Variants in SSH2 observed in about 807,000 individuals in gnomAD.
SSH2 encodes protein phosphatase Slingshot homolog 2.
Under a neutral mutation model 135.2 loss-of-function variants are expected in SSH2, and 37 were observed. The ratio of observed to expected loss-of-function variants is 0.27; its 90% confidence interval spans 0.21 to 0.36. SSH2 has a LOEUF of 0.36. SSH2 is among the 10% of genes least tolerant of loss of function. The pLI is 1.00. For missense variants in SSH2, 1,408 were observed against 1,765.3 expected (o/e 0.80, Z 3.63); for synonymous variants, 628 against 646.2 (o/e 0.97, Z 0.43).
chr17:29,711,823 G>A (rs924313278), intron 3 of SSH2, among the ~76,000 whole-genome samples: 2 of 152,148 alleles, frequency 1.3e-5, no homozygotes, highest in African/African-American at 4.8e-5. Context: ...GGAGTGTCGA[G>A]GTATGGGACA....
intron 12 of SSH2, 126 bp downstream of exon 12, chr17:29,655,435 A>C (rs371445368): frequency 1.1e-6 from 1 of 924,990 alleles, no homozygotes; most frequent in Admixed American, 1.8e-5. Context: ...ATTACATCTG[A>C]TTAGAATCAG....
chr17:29,777,972 GA>G (rs2041747207), intron 3 of SSH2, among the ~76,000 whole-genome samples: 1 of 151,466 alleles, frequency 6.6e-6, no homozygotes, highest in Admixed American at 6.6e-5. Context: ...CCCATGAAAG[GA>G]ATTCTTCTCT....
chr17:29,806,991 T>A (rs2042358133), intron 2 of SSH2, among the ~76,000 whole-genome samples: 1 of 152,232 alleles, frequency 6.6e-6, no homozygotes, highest in Non-Finnish European at 1.5e-5. Flanking sequence ...GAAGCACTCA[T>A]AACACCTGGA....
intron 2 of SSH2, among the ~76,000 whole-genome samples, chr17:29,823,484 C>T (rs2042688836): frequency 6.6e-6 from 1 of 152,136 alleles, no homozygotes; most frequent in South Asian, 2.1e-4. Flanking sequence ...CCCTCTAATC[C>T]CTTCTCTCTG....
intron 4 of SSH2, among the ~76,000 whole-genome samples, chr17:29,700,527 A>G (rs1278392051): frequency 2.0e-5 from 3 of 152,186 alleles, no homozygotes; most frequent in Non-Finnish European, 4.4e-5. Context: ...ATTTCAAAAC[A>G]AGAGTCTTAT....
intron 5 of SSH2, among the ~76,000 whole-genome samples, chr17:29,686,099 C>T (rs1227821380): frequency 3.3e-5 from 5 of 152,050 alleles, no homozygotes; most frequent in Admixed American, 2.0e-4. Context: ...CTGCCCACCT[C>T]GGCCTCACAA....
chr17:29,891,594 A>G (rs898810779), intron 1 of SSH2, among the ~76,000 whole-genome samples: 8 of 147,596 alleles, frequency 5.4e-5, no homozygotes, highest in South Asian at 2.1e-4. Flanking sequence ...ATAGTAATAG[A>G]AAAAAAAAAA....
At chr17:29,689,132 T>C (rs2038356602) in intron 5 of SSH2, among the ~76,000 whole-genome samples, 1 of 149,792 alleles carries the variant, frequency 6.7e-6, no homozygotes, top group African/African-American at 2.5e-5. Flanking sequence ...CACTCCAGCC[T>C]GGGCGACAGG....
intron 3 of SSH2, among the ~76,000 whole-genome samples, chr17:29,751,724 G>T (rs2040952067): frequency 6.6e-6 from 1 of 152,102 alleles, no homozygotes. Context: ...CCAAAATGTT[G>T]TTATGTGGTG....
chr17:29,674,800 C>A (rs528412504), intron 8 of SSH2, among the ~76,000 whole-genome samples: 2 of 152,100 alleles, frequency 1.3e-5, no homozygotes, highest in Non-Finnish European at 2.9e-5. Context: ...GCAAAAAAAT[C>A]TCATCATATT....
chr17:29,630,668 C>T lies in SSH2; in HGVS notation c.*173G>A. ...CCATCCAGATCAATCTCTCTTTCCC[C>T]TTACATATACACACACATACACACT... is the stretch of plus-strand genomic sequence containing the variant. On this transcript the variant is annotated 3_prime_UTR_variant, in exon 16 of 16. Transcript: ENST00000540801. 1 of 483,982 alleles carries T rather than the reference C, an allele frequency of 2.1e-6. No homozygotes were observed. Among genetic ancestry groups the T allele is most frequent in the Non-Finnish European group, 3.5e-6 (1 of 283,868 alleles). The allele number at this position is 483,982 out of a possible 1,614,324, so 30.0% of individuals were successfully genotyped here.
intron 15 of SSH2, among the ~76,000 whole-genome samples, chr17:29,635,123 C>T (rs1417246859): frequency 1.3e-5 from 2 of 151,472 alleles, no homozygotes; most frequent in Non-Finnish European, 2.9e-5. Context: ...AGTCTGGTCT[C>T]GAACTCCTGA....
At chr17:29,900,198 A>T (rs1004040485) in intron 1 of SSH2, among the ~76,000 whole-genome samples, 1 of 152,204 alleles carries the variant, frequency 6.6e-6, no homozygotes, top group Non-Finnish European at 1.5e-5. Context: ...AACCTAGGCA[A>T]TACCATTCAG....
chr17:29,913,347 A>AAAAAAAAAAAAAAAAAATAT, intron 1 of SSH2, among the ~76,000 whole-genome samples: 1 of 28,786 alleles, frequency 3.5e-5, no homozygotes, highest in Non-Finnish European at 5.9e-5. Context: ...AAAAAAAAAA[A>AAAAAAAAAAAAAAAAAATAT]ATATATATAT....
chr17:29,666,357 G>C (rs2037275997), intron 11 of SSH2, among the ~76,000 whole-genome samples: 1 of 152,080 alleles, frequency 6.6e-6, no homozygotes. Context: ...CTGGGCAACA[G>C]AGCGAGACCC....
Position 29,632,924 on chromosome 17 carries a change from G to A in SSH2, c.2270C>T (p.Ser757Leu), listed in dbSNP as rs1354484914. Residue 757 changes from serine (S) to leucine (L), a missense_variant, in exon 16 of 16, where the codon TCA becomes TTA. By Grantham distance (145) the Ser-to-Leu change is moderately radical. This residue lies in a region of SSH2 where 1,080 missense variants were observed against 1,144.5 expected (regional missense o/e 0.94). Transcript: ENST00000540801. ...SMDEEQSKAI[S>L]ELVSPDIFMQ... Reference sequence around the variant, plus strand: ...GAAGATGTCTGGGCTGACCAGTTCTGAAATTGCCTAAGAAGAGAAAGTAGT... The same window carrying A: ...GAAGATGTCTGGGCTGACCAGTTCTAAAATTGCCTAAGAAGAGAAAGTAGT... The A allele has an allele frequency of 1.2e-6, 2 of 1,600,010 alleles. No individual in the cohort carries two copies. The highest frequency in any genetic ancestry group is 8.5e-7 in the Non-Finnish European group (1 of 1,172,578).
At chr17:29,731,524 C>T (rs748705400) in intron 3 of SSH2, among the ~76,000 whole-genome samples, 7 of 151,796 alleles carry the variant, frequency 4.6e-5, no homozygotes, top group South Asian at 2.1e-4. Flanking sequence ...GGCACGATCT[C>T]GGCTCACTAC....
chr17:29,757,468 T>G (rs2151245693), intron 3 of SSH2, among the ~76,000 whole-genome samples: 1 of 152,202 alleles, frequency 6.6e-6, no homozygotes, highest in East Asian at 1.9e-4. Flanking sequence ...TTACTCAGAA[T>G]GATTCCTAAT....
At chr17:29,891,232 C>T (rs920717821) in intron 1 of SSH2, among the ~76,000 whole-genome samples, 1 of 152,070 alleles carries the variant, frequency 6.6e-6, no homozygotes, top group African/African-American at 2.4e-5. Flanking sequence ...TTAACAGAAT[C>T]ACCCAAGAGC....
Sources: gnomAD v4.1 joint callset for allele counts (sites outside exome capture counted in the v4.1 genomes callset) on GRCh38, gnomAD v4.1.1 for gene constraint, gnomAD v4.1.1 regional missense constraint, MANE v1.5 for transcripts, NCBI Gene and HGNC (gene_info 2026-07-23, HGNC 2026-07-21) for gene names.